The following ATP13A3 variants were observed in gnomAD, a reference collection of about 807,000 sequenced individuals.
ATP13A3 encodes polyamine-transporting ATPase 13A3.
In ATP13A3, 59 loss-of-function variants were observed where a neutral mutation model predicts 158.1. The ratio of observed to expected loss-of-function variants is 0.37; its 90% CI spans 0.30 to 0.46. The LOEUF (loss-of-function observed/expected upper bound fraction) is 0.46, where lower values mean the gene tolerates loss of function less well. ATP13A3 is among the 20% of genes least tolerant of loss of function. The pLI, the probability that ATP13A3 is intolerant of heterozygous loss-of-function variation, is 1.00. For synonymous variants in ATP13A3, 491 were observed against 504.3 expected (o/e 0.97, Z 0.35); for missense variants, 1,166 against 1,525.2 (o/e 0.76, Z 3.92).
intron 30 of ATP13A3, among the ~76,000 whole-genome samples, chr3:194,423,476 T>C (rs1032575055): frequency 5.3e-5 from 8 of 152,230 alleles, no homozygotes; most frequent in African/African-American, 1.7e-4. Flanking sequence ...GGACTCTGCA[T>C]GGATCCAGTG....
chr3:194,430,772 C>A (rs1283634265), intron 24 of ATP13A3, among the ~76,000 whole-genome samples, 171 bp downstream of exon 24: 1 of 152,154 alleles, frequency 6.6e-6, no homozygotes, highest in East Asian at 1.9e-4. Context: ...ATAAAAAGCA[C>A]ATGAGACTCT....
At chr3:194,433,922 T>C (rs1332560888) in intron 20 of ATP13A3, 26 bp from the exon 21 acceptor site, 5 of 1,607,450 alleles carry the variant, frequency 3.1e-6, no homozygotes, top group South Asian at 1.1e-5. Context: ...TTTTAACACA[T>C]AATGGTTTAG....
chr3:194,406,594 T>G (rs1472880265), intron 33 of ATP13A3, among the ~76,000 whole-genome samples: 1 of 152,222 alleles, frequency 6.6e-6, no homozygotes, highest in Non-Finnish European at 1.5e-5. Flanking sequence ...TATTAAGAAC[T>G]TTAAGCCATT....
At position 194,413,795 on chromosome 3, in the gene ATP13A3, A is replaced by C; in HGVS notation, c.3447T>G (p.Ile1149Met). 1 of 1,614,082 alleles carries C rather than the reference A, an allele frequency of 6.2e-7. No homozygotes were observed. The highest frequency in any genetic ancestry group is 8.5e-7 in the Non-Finnish European group (1 of 1,179,942). The change falls in exon 32 of 34, where the codon ATT becomes ATG. Residue 1149 changes from isoleucine to methionine, a missense_variant. Coordinates refer to ENST00000645319, the MANE Select transcript of ATP13A3 (RefSeq NM_001367549.1). ...PYQWRVTMLIIVLVNAFVSIT... is the reference protein window; with the variant it reads ...PYQWRVTMLIMVLVNAFVSIT... ...TAGACACAAAGGCATTGACAAGAAC[A>C]ATGATGAGCATAGTTACACGCCACT...
At chr3:194,421,797 A>G (rs1163447784) in intron 30 of ATP13A3, among the ~76,000 whole-genome samples, 22 of 152,066 alleles carry the variant, frequency 1.4e-4, no homozygotes, top group Non-Finnish European at 2.9e-5. Context: ...AATGGTCAGA[A>G]CATAAATGGC....
At chr3:194,484,916 G>T (rs1421860862) in intron 2 of ATP13A3, among the ~76,000 whole-genome samples, 3 of 152,040 alleles carry the variant, frequency 2.0e-5, no homozygotes, top group Admixed American at 6.6e-5. Context: ...AATTAGCTGG[G>T]CGTGGTGGCA....
At chr3:194,449,506 C>T (rs1466506734) in intron 11 of ATP13A3, among the ~76,000 whole-genome samples, 4 of 152,000 alleles carry the variant, frequency 2.6e-5, no homozygotes, top group African/African-American at 9.7e-5. Context: ...GTGGTGAAGC[C>T]GTCTCTACTA....
In ATP13A3 at chr3:194,459,819, G is replaced by C. The variant is rs1425643584; in HGVS notation, c.378C>G (p.Ile126Met). The C allele has an allele frequency of 4.3e-6, 7 of 1,612,548 alleles. No individual in the cohort carries two copies. In the Admixed American group the frequency reaches 1.2e-4, roughly 27 times the overall value. The change falls in exon 5 of 34, where the codon ATC (isoleucine) becomes ATG (methionine). Residue 126 changes from isoleucine to methionine, a missense_variant. Transcript: ENST00000645319. ...ENPTEENRHR[I>M]SKYSQTESQQ... Reference sequence around the variant, plus strand: ...GTGATTCAGTCTGTGAATATTTACTGATCCTGTGCCTATTTTCTTCAGTGG... The same window carrying C: ...GTGATTCAGTCTGTGAATATTTACTCATCCTGTGCCTATTTTCTTCAGTGG...
chr3:194,427,456 C>T (rs910319547), intron 28 of ATP13A3, among the ~76,000 whole-genome samples: 3 of 151,626 alleles, frequency 2.0e-5, no homozygotes, highest in Non-Finnish European at 4.4e-5. Flanking sequence ...TTGAAAAACG[C>T]CTCAGGAATA....
rs200107773 is a variant in ATP13A3 at position 194,431,235 on chromosome 3, A to G, written c.2422-9T>C. 50 of 1,589,682 alleles carry G rather than the reference A, an allele frequency of 3.1e-5. No individual in the cohort carries two copies. The African/African-American group carries it at 6.4e-4, about 20-fold the overall frequency. On this transcript the variant is annotated splice_polypyrimidine_tract_variant and intron_variant, in intron 22 of 33. Transcript: ENST00000645319. The stretch of plus-strand genomic sequence containing the variant: ...AATTTAACCGGAATAGCCTGTGTAT[A>G]TGAGACATTGGGAACAATATTTAGG...
rs116783985 is a variant in ATP13A3, at chr3:194,458,265, C to T, written c.480-1091G>A. On this transcript the variant is annotated intron_variant, in intron 6 of 33. Coordinates refer to ENST00000645319, the MANE Select transcript of ATP13A3 (RefSeq NM_001367549.1). ...GTTTCTATGGCTGGCAAAAGACACA[C>T]AGTAAATATGTTTGACATTTCTTCC... 4.4e-3 allele frequency among the ~76,000 whole-genome samples: 670 copies of T among 151,530 alleles called. 4 individuals are homozygous for T. Among genetic ancestry groups the T allele is most frequent in the African/African-American group, 0.015 (635 of 41,238 alleles).
At position 194,403,047 on chromosome 3, in the gene ATP13A3, A is replaced by G. The variant is rs546324073; in HGVS notation, c.*2872T>C. On this transcript the variant is annotated 3_prime_UTR_variant, in exon 34 of 34. Coordinates refer to ENST00000645319, the MANE Select transcript of ATP13A3 (RefSeq NM_001367549.1). ...TCCCACCATAAATATACAAAAACCT[A>G]TTTTTAGATATGTCAAAATTGCATG... is the stretch of plus-strand genomic sequence containing the variant. 2 of 152,346 alleles carry G rather than the reference A, an allele frequency of 1.3e-5. No homozygotes were observed. Among genetic ancestry groups the G allele is most frequent in the East Asian group, 3.9e-4 (2 of 5,192 alleles). 9.4% of individuals were successfully genotyped at this position (152,346 alleles called of 1,614,324 possible).
chr3:194,403,413 T>C lies in ATP13A3; in HGVS notation c.*2506A>G, dbSNP rs991571221. The C allele has an allele frequency of 1.3e-5, 2 of 152,260 alleles. No homozygotes were observed. Among genetic ancestry groups the C allele is most frequent in the African/African-American group, 4.8e-5 (2 of 41,476 alleles). The allele number at this position is 152,260 out of a possible 1,614,324, so 9.4% of individuals were successfully genotyped here. ...GATACAAAACATATAGTTACCACTATTTATACTTGAGGGAGAAAAAAAACT... is the reference window on the plus strand; with the variant it reads ...GATACAAAACATATAGTTACCACTACTTATACTTGAGGGAGAAAAAAAACT... On this transcript the variant is annotated 3_prime_UTR_variant, in exon 34 of 34. Transcript: ENST00000645319.
intron 32 of ATP13A3, 41 bp from the exon 33 acceptor site, chr3:194,412,329 A>C: frequency 6.9e-7 from 1 of 1,454,024 alleles, no homozygotes. Context: ...ATAATGACTA[A>C]GTCATTTTTT....
intron 2 of ATP13A3, among the ~76,000 whole-genome samples, chr3:194,465,715 G>C (rs975546432): frequency 6.6e-6 from 1 of 152,120 alleles, no homozygotes; most frequent in Admixed American, 6.5e-5. Flanking sequence ...TGTAATCCCA[G>C]CTCTTTGGGA....
intron 28 of ATP13A3, 52 bp downstream of exon 28, chr3:194,428,793 C>A: frequency 7.6e-7 from 1 of 1,320,244 alleles, no homozygotes; most frequent in South Asian, 1.3e-5. Context: ...TTTAATAAGT[C>A]ACATCAGAAT....
chr3:194,425,272 T>C (rs1011452306), intron 30 of ATP13A3, 70 bp downstream of exon 30: 12 of 1,357,868 alleles, frequency 8.8e-6, no homozygotes, highest in South Asian at 5.1e-5. Context: ...AAGACAGTTA[T>C]AATTATTCTC....
At chr3:194,472,350 G>A (rs928318923) in intron 2 of ATP13A3, among the ~76,000 whole-genome samples, 5 of 151,702 alleles carry the variant, frequency 3.3e-5, no homozygotes, top group South Asian at 2.1e-4. Flanking sequence ...GTTCCTTCAC[G>A]CTGGTCTCAA....
At chr3:194,425,155 T>A (rs1716672838) in intron 30 of ATP13A3, among the ~76,000 whole-genome samples, 187 bp downstream of exon 30, 1 of 152,238 alleles carries the variant, frequency 6.6e-6, no homozygotes, top group Non-Finnish European at 1.5e-5. Flanking sequence ...CACTGGTAGC[T>A]TGAACTTTAA....
Sources: gnomAD v4.1 joint callset for allele counts (sites outside exome capture counted in the v4.1 genomes callset) on GRCh38, gnomAD v4.1.1 for gene constraint, MANE v1.5 for transcripts, NCBI Gene and HGNC (gene_info 2026-07-23, HGNC 2026-07-21) for gene names.